The following THADA variants were observed in gnomAD, a reference collection of about 807,000 sequenced individuals.
The protein encoded by THADA is THADA armadillo repeat containing.
THADA carries 213 observed loss-of-function variants against 219.8 expected under a neutral mutation model. The observed-to-expected ratio is 0.97, with a 90% confidence interval of 0.87 to 1.09. THADA has a LOEUF of 1.09. Ranked by LOEUF, THADA falls within the 50% of genes least tolerant of loss-of-function variation. The pLI is 0.00. For synonymous variants in THADA, 1,018 were observed against 828.9 expected (o/e 1.23, Z -3.92); for missense variants, 2,956 against 2,311.3 (o/e 1.28, Z -5.72).
chr2:43,481,725 A>T (rs1376925492), intron 26 of THADA, among the ~76,000 whole-genome samples: 1 of 152,162 alleles, frequency 6.6e-6, no homozygotes, highest in Non-Finnish European at 1.5e-5. Flanking sequence ...GTACTCCCCT[A>T]TTATGTTAAT....
chr2:43,358,052 T>C (rs1161223468), intron 29 of THADA, among the ~76,000 whole-genome samples: 1 of 152,168 alleles, frequency 6.6e-6, no homozygotes, highest in Non-Finnish European at 1.5e-5. Context: ...CACAGTATTA[T>C]TAACCAGACT....
At chr2:43,496,066 G>C (rs1688240664) in intron 25 of THADA, among the ~76,000 whole-genome samples, 1 of 152,166 alleles carries the variant, frequency 6.6e-6, no homozygotes, top group Admixed American at 6.5e-5. Flanking sequence ...CTCTCAATTA[G>C]AGGCTTATCA....
chr2:43,544,597 T>G lies in THADA; in HGVS notation c.3107-3281A>C, dbSNP rs569707221. 9.3e-4 allele frequency among the ~76,000 whole-genome samples: 142 copies of G among 151,920 alleles called. 1 individual carries two copies. Among genetic ancestry groups the G allele is most frequent in the African/African-American group, 3.4e-3 (139 of 41,394 alleles). On this transcript the variant is annotated intron_variant, in intron 20 of 37. Coordinates refer to ENST00000405975, the MANE Select transcript of THADA (RefSeq NM_022065.5). ...CCTTGAAGAGGTCCTTCACGTCCCTTGTAAGTTGGATTCCTAGGTATTTTA... is the reference window on the plus strand; with the variant it reads ...CCTTGAAGAGGTCCTTCACGTCCCTGGTAAGTTGGATTCCTAGGTATTTTA...
intron 20 of THADA, among the ~76,000 whole-genome samples, chr2:43,545,324 T>C (rs924755003): frequency 1.3e-5 from 2 of 151,712 alleles, no homozygotes; most frequent in Admixed American, 6.6e-5. Flanking sequence ...AGGATATTGG[T>C]CTATAATTCT....
chr2:43,510,558 TCA>T (rs1303690790), intron 22 of THADA, among the ~76,000 whole-genome samples: 2 of 151,648 alleles, frequency 1.3e-5, no homozygotes, highest in Non-Finnish European at 2.9e-5. Flanking sequence ...GATATAATCC[TCA>T]CACAGTTGAC....
At chr2:43,576,836 G>C (rs1019811861) in intron 10 of THADA, among the ~76,000 whole-genome samples, 186 bp downstream of exon 10, 5 of 151,972 alleles carry the variant, frequency 3.3e-5, no homozygotes, top group African/African-American at 1.2e-4. Context: ...TAAAAGTTTT[G>C]TACAGACACA....
intron 26 of THADA, among the ~76,000 whole-genome samples, chr2:43,460,920 CAGTTAGGATTCACCTG>C (rs1427420239): frequency 2.6e-5 from 4 of 152,124 alleles, no homozygotes; most frequent in Non-Finnish European, 5.9e-5. Flanking sequence ...CATTGCAGAA[CAGTTAGGATTCACCTG>C]TCCCAGGAGT....
intron 22 of THADA, among the ~76,000 whole-genome samples, chr2:43,513,431 A>G (rs1690750079): frequency 6.6e-6 from 1 of 152,246 alleles, no homozygotes; most frequent in Non-Finnish European, 1.5e-5. Flanking sequence ...CCCAAGAGTT[A>G]CAGATTTAGA....
intron 23 of THADA, among the ~76,000 whole-genome samples, chr2:43,508,214 T>C (rs13405076): frequency 0.14 from 21,348 of 152,100 alleles, 1,994 homozygotes; most frequent in African/African-American, 0.26. Context: ...ATTTTATGGA[T>C]GGACGTTTTA....
At chr2:43,430,363 CT>C (rs879071372) in intron 26 of THADA, 61 bp from the exon 27 acceptor site, 186 of 917,714 alleles carry the variant, frequency 2.0e-4, no homozygotes, top group South Asian at 2.4e-4. Context: ...ACAATAAAGC[CT>C]TTTTTTTAAA....
intron 1 of THADA, among the ~76,000 whole-genome samples, chr2:43,593,067 C>T (rs1701751913): frequency 6.6e-6 from 1 of 152,174 alleles, no homozygotes; most frequent in African/African-American, 2.4e-5. Flanking sequence ...TGTCATAGGG[C>T]TCTTCTCTTG....
chr2:43,565,503 T>C (rs1481531840), intron 15 of THADA: 1 of 152,178 alleles, frequency 6.6e-6, no homozygotes, highest in Non-Finnish European at 1.5e-5. Flanking sequence ...CTTGAAACTT[T>C]GCTGCTGATT....
chr2:43,581,611 G>A, intron 8 of THADA, 130 bp downstream of exon 8: 17 of 688,096 alleles, frequency 2.5e-5, no homozygotes, highest in South Asian at 9.4e-5. Context: ...CCATTTTTGA[G>A]AGGCTGAGTA....
intron 31 of THADA, among the ~76,000 whole-genome samples, chr2:43,315,129 A>G (rs1677933499): frequency 6.6e-6 from 1 of 152,196 alleles, no homozygotes; most frequent in South Asian, 2.1e-4. Flanking sequence ...CCTCCATCCA[A>G]AAAAGTTTCC....
chr2:43,430,265 G>C lies in THADA; in HGVS notation c.3874C>G (p.Leu1292Val), dbSNP rs1251406541. Residue 1292 changes from leucine (L) to valine (V), a missense_variant, in exon 27 of 38, where the codon CTC becomes GTC. By Grantham distance (32) the Leu-to-Val change is conservative (BLOSUM62 1). Transcript: ENST00000405975. ...AACTGTTTGAGAAGAAAAGGATAGA[G>C]TTCTGGGAAACGAGAGAAAAACTCT... ...GREFFSRFPE[L>V]YPFLLKQLET... 2.6e-6 allele frequency: 4 copies of C among 1,551,434 alleles called. No individual in the cohort carries two copies. The highest frequency in any genetic ancestry group is 3.5e-6 in the Non-Finnish European group (4 of 1,147,358).
intron 31 of THADA, among the ~76,000 whole-genome samples, chr2:43,315,050 T>C (rs1677925700): frequency 6.6e-6 from 1 of 152,214 alleles, no homozygotes. Context: ...TTCTAAGACA[T>C]GTCAGAGGTA....
chr2:43,434,288 C>T (rs938630255), intron 26 of THADA, among the ~76,000 whole-genome samples: 1 of 152,164 alleles, frequency 6.6e-6, no homozygotes, highest in African/African-American at 2.4e-5. Flanking sequence ...ACAATTGGAT[C>T]CCAAGCTCCC....
intron 36 of THADA, among the ~76,000 whole-genome samples, chr2:43,263,514 T>C (rs1284311343): frequency 6.6e-6 from 1 of 152,160 alleles, no homozygotes; most frequent in Non-Finnish European, 1.5e-5. Flanking sequence ...ATACAAGCTA[T>C]CTTGTAACCA....
At chr2:43,583,517 T>C (rs1252367793) in intron 7 of THADA, among the ~76,000 whole-genome samples, 1 of 152,192 alleles carries the variant, frequency 6.6e-6, no homozygotes, top group Non-Finnish European at 1.5e-5. Context: ...TGGTAGTTCC[T>C]CAAAAAGTTA....
Sources: gnomAD v4.1 joint callset for allele counts (sites outside exome capture counted in the v4.1 genomes callset) on GRCh38, gnomAD v4.1.1 for gene constraint, MANE v1.5 for transcripts, NCBI Gene and HGNC (gene_info 2026-07-23, HGNC 2026-07-21) for gene names.